Variants in SLC29A4 observed in about 807,000 individuals in gnomAD.
The protein encoded by SLC29A4 is solute carrier family 29 member 4.
Under a neutral mutation model 43.9 loss-of-function variants are expected in SLC29A4, and 36 were observed. The ratio of observed to expected loss-of-function variants is 0.82; its 90% CI spans 0.63 to 1.08. The LOEUF is 1.08. Among genes scored for constraint, SLC29A4 ranks in the 50% least tolerant of loss-of-function variants. SLC29A4 has a pLI of 0.00. For synonymous variants in SLC29A4, 491 were observed against 338.0 expected (o/e 1.45, Z -4.97); for missense variants, 869 against 755.3 (o/e 1.15, Z -1.77).
At chr7:5,289,626 C>T (rs1424373083) in intron 2 of SLC29A4, among the ~76,000 whole-genome samples, 2 of 152,058 alleles carry the variant, frequency 1.3e-5, no homozygotes, top group African/African-American at 4.8e-5. Flanking sequence ...TTCACAGCAG[C>T]ACCAGGGCTA....
chr7:5,290,636 A>C, intron 2 of SLC29A4, 96 bp from the exon 3 acceptor site: 1 of 1,487,548 alleles, frequency 6.7e-7, no homozygotes, highest in Non-Finnish European at 9.1e-7. Context: ...GACAGTGGCT[A>C]TGGTGATGGC....
chr7:5,287,147 G>A (rs1044355296), intron 1 of SLC29A4, among the ~76,000 whole-genome samples: 1 of 152,190 alleles, frequency 6.6e-6, no homozygotes, highest in Non-Finnish European at 1.5e-5. Flanking sequence ...GCTGGGCGCA[G>A]TGGCTCAGTG....
Position 5,306,237 on chromosome 7 carries a change from C to G in SLC29A4, c.*3298C>G, listed in dbSNP as rs1381864021. ...TTTTTGAGACAATCTCTGTCACCCC[C>G]AGGCCAGAGTGCAGTGGTGCGATCT... On this transcript the variant is annotated 3_prime_UTR_variant, in exon 11 of 11. Transcript: ENST00000396872. 1 of 135,290 alleles carries G rather than the reference C, an allele frequency of 7.4e-6. No homozygotes were observed. Among genetic ancestry groups the G allele is most frequent in the Non-Finnish European group, 1.5e-5 (1 of 65,278 alleles). 8.4% of individuals were successfully genotyped at this position (135,290 alleles called of 1,614,324 possible). A position where few individuals can be genotyped will look rare whatever the true frequency, so the allele number is the denominator to read the frequency against.
chr7:5,286,557 A>G (rs1438301382), intron 1 of SLC29A4, among the ~76,000 whole-genome samples: 7 of 150,800 alleles, frequency 4.6e-5, no homozygotes, highest in Admixed American at 4.6e-4. Flanking sequence ...AAATCATTTT[A>G]GGGGAAAAAG....
chr7:5,304,881 A>G lies in SLC29A4; in HGVS notation c.*1942A>G, dbSNP rs1463968904. On this transcript the variant is annotated 3_prime_UTR_variant, in exon 11 of 11. Transcript: ENST00000396872. Reference sequence around the variant, plus strand: ...ACTGAGGCTGGAGTGCAGTGGTGCCATCATAGCTCACTGCAGCCTCCACCT... The same window carrying G: ...ACTGAGGCTGGAGTGCAGTGGTGCCGTCATAGCTCACTGCAGCCTCCACCT... 2 of 152,244 alleles carry G rather than the reference A, an allele frequency of 1.3e-5. No individual in the cohort carries two copies. Among genetic ancestry groups the G allele is most frequent in the Admixed American group, 6.5e-5 (1 of 15,276 alleles). 9.4% of individuals were successfully genotyped at this position (152,244 alleles called of 1,614,324 possible).
Position 5,287,842 on chromosome 7 carries a change from T to C in SLC29A4, c.26T>C (p.Leu9Pro), listed in dbSNP as rs762356263. ...ATGGGCTCCGTGGGGAGCCAGCGCC[T>C]TGAGGAGCCCAGCGTGGCAGGCACA... is the stretch of plus-strand genomic sequence containing the variant. MGSVGSQR[L>P]EEPSVAGTPD... The change falls in exon 2 of 11, where the codon CTT becomes CCT. Residue 9 changes from leucine (L) to proline (P), a missense_variant. Leu to Pro is a moderately conservative substitution (Grantham distance 98, BLOSUM62 -3). Coordinates refer to ENST00000396872, the MANE Select transcript of SLC29A4 (RefSeq NM_153247.4). 6.2e-7 allele frequency: 1 copy of C among 1,611,816 alleles called. No homozygotes were observed. The highest frequency in any genetic ancestry group is 8.5e-7 in the Non-Finnish European group (1 of 1,179,792).
rs34436127 is a variant in SLC29A4, at chr7:5,288,298, CTTTTTTTTTTTTT to C, written c.169+326_169+338del. On this transcript the variant is annotated intron_variant, in intron 2 of 10. Coordinates refer to ENST00000396872, the MANE Select transcript of SLC29A4 (RefSeq NM_153247.4). ...GCTCATGCGCTGACCCGTACAGCTT[CTTTTTTTTTTTTT>C]TTTTTTTTTTTTGAGACGGAGTCTC... 1.3e-4 allele frequency among the ~76,000 whole-genome samples: 9 copies of C among 68,756 alleles called. 1 individual carries two copies. The highest frequency in any genetic ancestry group is 4.7e-4 in the African/African-American group (8 of 16,896). 45.1% of individuals were successfully genotyped at this position (68,756 alleles called of 152,430 possible).
At position 5,297,192 on chromosome 7, in the gene SLC29A4, C is replaced by T; in HGVS notation, c.876C>T (p.Val292=). ...ACCACGACGTTGTCGCCGGGGACGT[C>T]CACTTCGTAAGTGCGCACCGCCCAC... ...RVHHDVVAGD[V]HFEHPAPALA... Residue 292 remains valine, a synonymous_variant, in exon 7 of 11, where the codon GTC becomes GTT. Transcript: ENST00000396872. 2 of 1,587,564 alleles carry T rather than the reference C, an allele frequency of 1.3e-6. No homozygotes were observed. Among genetic ancestry groups the T allele is most frequent in the South Asian group, 2.2e-5 (2 of 90,120 alleles).
rs1786341014 is a variant in SLC29A4 at position 5,303,855 on chromosome 7, C to G, written c.*916C>G. 1 of 152,200 alleles carries G rather than the reference C, an allele frequency of 6.6e-6. No homozygotes were observed. Among genetic ancestry groups the G allele is most frequent in the Non-Finnish European group, 1.5e-5 (1 of 68,046 alleles). 9.4% of individuals were successfully genotyped at this position (152,200 alleles called of 1,614,324 possible). A position where few individuals can be genotyped will look rare whatever the true frequency, so the allele number is the denominator to read the frequency against. On this transcript the variant is annotated 3_prime_UTR_variant, in exon 11 of 11. Transcript: ENST00000396872. Reference sequence around the variant, plus strand: ...AGTCCAGCCCGGGCCTCCCAGAACACCAGGCCCGTGTGGGTGGCACCCTGA... The same window carrying G: ...AGTCCAGCCCGGGCCTCCCAGAACAGCAGGCCCGTGTGGGTGGCACCCTGA...
chr7:5,290,698 C>G, intron 2 of SLC29A4, 34 bp from the exon 3 acceptor site: 2 of 1,585,462 alleles, frequency 1.3e-6, no homozygotes, highest in Non-Finnish European at 1.7e-6. Flanking sequence ...ATGCGTGGAG[C>G]GTGCCCCGTC....
At chr7:5,290,698 C>T (rs377524044) in intron 2 of SLC29A4, 34 bp from the exon 3 acceptor site, 15 of 1,585,460 alleles carry the variant, frequency 9.5e-6, no homozygotes, top group Admixed American at 1.7e-5. Flanking sequence ...ATGCGTGGAG[C>T]GTGCCCCGTC....
intron 10 of SLC29A4, among the ~76,000 whole-genome samples, chr7:5,302,406 G>A (rs1180071299): frequency 2.6e-5 from 4 of 152,206 alleles, no homozygotes; most frequent in Admixed American, 6.5e-5. Context: ...AGCCAGGCAC[G>A]GTGGTGCATG....
In SLC29A4 at chr7:5,301,526, C is replaced by T. The variant is rs1272271373; in HGVS notation, c.1450+864C>T. 3.3e-5 allele frequency among the ~76,000 whole-genome samples: 5 copies of T among 152,238 alleles called. No individual in the cohort carries two copies. The East Asian group carries it at 5.8e-4, about 18-fold the overall frequency. On this transcript the variant is annotated intron_variant, in intron 10 of 10. Coordinates refer to ENST00000396872, the MANE Select transcript of SLC29A4 (RefSeq NM_153247.4). ...GGGAGCAGCATGTGCAAAGATCCTG[C>T]GGCACTGAGGCCAGGGGATGGAGCA...
chr7:5,297,932 C>T (rs1234223403), intron 7 of SLC29A4, among the ~76,000 whole-genome samples: 1 of 152,170 alleles, frequency 6.6e-6, no homozygotes, highest in Admixed American at 6.5e-5. Context: ...CATCCCTGGG[C>T]AGGCAGACGT....
Position 5,300,593 on chromosome 7 carries a change from G to T in SLC29A4, c.1381G>T (p.Gly461Cys). Reference protein sequence around the residue: ...IFSLLMGISNGYFGSVPMILA... With the variant: ...IFSLLMGISNCYFGSVPMILA... ...CTCACTGCTCATGGGCATCAGCAACGGCTACTTCGGCAGCGTGCCCATGAT... is the reference window on the plus strand; with the variant it reads ...CTCACTGCTCATGGGCATCAGCAACTGCTACTTCGGCAGCGTGCCCATGAT... The change falls in exon 10 of 11, where the codon GGC (glycine) becomes TGC (cysteine). Residue 461 changes from glycine to cysteine, a missense_variant. By Grantham distance (159) the Gly-to-Cys change is radical (BLOSUM62 -3). Coordinates refer to ENST00000396872, the MANE Select transcript of SLC29A4 (RefSeq NM_153247.4). The T allele has an allele frequency of 6.2e-7, 1 of 1,611,414 alleles. No individual in the cohort carries two copies. Among genetic ancestry groups the T allele is most frequent in the Non-Finnish European group, 8.5e-7 (1 of 1,179,068 alleles).
At chr7:5,301,408 C>A (rs1036619270) in intron 10 of SLC29A4, among the ~76,000 whole-genome samples, 1 of 152,068 alleles carries the variant, frequency 6.6e-6, no homozygotes, top group Non-Finnish European at 1.5e-5. Flanking sequence ...TCTGGGAAGA[C>A]CTCACTGAGG....
At position 5,306,824 on chromosome 7, in the gene SLC29A4, T is replaced by TA. The variant is rs1189384999; in HGVS notation, c.*3886dup. 8 of 151,452 alleles carry TA rather than the reference T, an allele frequency of 5.3e-5. No homozygotes were observed. The highest frequency in any genetic ancestry group is 4.4e-5 in the Non-Finnish European group (3 of 67,882). 9.4% of individuals were successfully genotyped at this position (151,452 alleles called of 1,614,324 possible). On this transcript the variant is annotated 3_prime_UTR_variant, in exon 11 of 11. Coordinates refer to ENST00000396872, the MANE Select transcript of SLC29A4 (RefSeq NM_153247.4). Reference sequence around the variant, plus strand: ...TCCAATTAAATCTTTTCTTTTTTTTTATGAAAAAAGATCACACAGAATTTG... The same window carrying TA: ...TCCAATTAAATCTTTTCTTTTTTTTTAATGAAAAAAGATCACACAGAATTTG...
intron 6 of SLC29A4, among the ~76,000 whole-genome samples, 190 bp from the exon 7 acceptor site, chr7:5,296,746 G>T (rs1201605456): frequency 1.4e-5 from 2 of 143,078 alleles, no homozygotes; most frequent in Non-Finnish European, 3.1e-5. Context: ...CGGGGCCGGC[G>T]GTGATGGGCG....
In SLC29A4 at chr7:5,297,213, C is replaced by G. The variant is rs764406416; in HGVS notation, c.882+15C>G. The G allele has an allele frequency of 6.4e-7, 1 of 1,568,658 alleles. No homozygotes were observed. Among genetic ancestry groups the G allele is most frequent in the East Asian group, 2.3e-5 (1 of 44,384 alleles). On this transcript the variant is annotated intron_variant, in intron 7 of 10. Coordinates refer to ENST00000396872, the MANE Select transcript of SLC29A4 (RefSeq NM_153247.4). ...ACGTCCACTTCGTAAGTGCGCACCG[C>G]CCACCTCTGTTCCCTTCTCTGTCCC...
Sources: gnomAD v4.1 joint callset for allele counts (sites outside exome capture counted in the v4.1 genomes callset) on GRCh38, gnomAD v4.1.1 for gene constraint, MANE v1.5 for transcripts, NCBI Gene and HGNC (gene_info 2026-07-23, HGNC 2026-07-21) for gene names.